NLRP14: variants seen among roughly 807,000 people sequenced by gnomAD.
NLRP14 encodes NACHT, LRR and PYD domains-containing protein 14.
Under a neutral mutation model 94.7 loss-of-function variants are expected in NLRP14, and 105 were observed. The ratio of observed to expected loss-of-function variants is 1.11; its 90% CI spans 0.95 to 1.30. The LOEUF is 1.30. Ranked by LOEUF, NLRP14 falls within the 50% of genes most tolerant of loss-of-function variation. NLRP14 has a pLI of 0.00. For synonymous variants in NLRP14, 508 were observed against 459.9 expected (o/e 1.10, Z -1.34); for missense variants, 1,362 against 1,254.1 (o/e 1.09, Z -1.30).
the NLRP14 span, among the ~76,000 whole-genome samples, chr11:7,082,689 T>G: frequency 6.6e-6 from 1 of 152,238 alleles, no homozygotes; most frequent in Non-Finnish European, 1.5e-5. Context: ...TCTCTCCATT[T>G]ATACAAATTT....
At chr11:7,046,042 G>T (rs1457582042) in intron 4 of NLRP14, among the ~76,000 whole-genome samples, 1 of 151,920 alleles carries the variant, frequency 6.6e-6, no homozygotes, top group Non-Finnish European at 1.5e-5. Flanking sequence ...CCCTTTATTT[G>T]TTCATGAGTT....
intron 5 of NLRP14, among the ~76,000 whole-genome samples, chr11:7,047,147 C>T (rs990839636): frequency 2.0e-5 from 3 of 152,022 alleles, no homozygotes; most frequent in Non-Finnish European, 2.9e-5. Context: ...CTGGAACTTA[C>T]TATCCTCTTA....
chr11:7,040,938 A>G (rs957065256), intron 3 of NLRP14, among the ~76,000 whole-genome samples: 2 of 152,198 alleles, frequency 1.3e-5, no homozygotes, highest in Non-Finnish European at 2.9e-5. Context: ...TTATGTGCAG[A>G]TAATTGCACA....
the NLRP14 span, among the ~76,000 whole-genome samples, chr11:7,084,668 C>A: frequency 2.6e-5 from 4 of 152,182 alleles, no homozygotes; most frequent in African/African-American, 9.7e-5. Context: ...CAGACCTTGA[C>A]CTATGTATAT....
chr11:7,045,398 T>C (rs1377995637), intron 4 of NLRP14, among the ~76,000 whole-genome samples: 2 of 152,204 alleles, frequency 1.3e-5, no homozygotes, highest in African/African-American at 2.4e-5. Context: ...AGTTATCTAG[T>C]ACTAGAGTTG....
Position 7,043,497 on chromosome 11 carries a change from T to C in NLRP14, c.1471T>C (p.Phe491Leu). 1 of 1,614,148 alleles carries C rather than the reference T, an allele frequency of 6.2e-7. No homozygotes were observed. Among genetic ancestry groups the C allele is most frequent in the Non-Finnish European group, 8.5e-7 (1 of 1,180,014 alleles). ...TGTTCAGGAGTTTTTTGCAGCTATGTTCTATATGTTGAAAGGCAGTTGGGA... is the reference window on the plus strand; with the variant it reads ...TGTTCAGGAGTTTTTTGCAGCTATGCTCTATATGTTGAAAGGCAGTTGGGA... ...LHVQEFFAAM[F>L]YMLKGSWEAG... is the part of the protein sequence containing the mutation. The change falls in exon 4 of 12, where the codon TTC (phenylalanine) becomes CTC (leucine). Residue 491 changes from phenylalanine to leucine, a missense_variant. Transcript: ENST00000299481.
chr11:7,090,540 T>C, the NLRP14 span: 4 of 570,758 alleles, frequency 7.0e-6, no homozygotes, highest in Non-Finnish European at 1.3e-5. Flanking sequence ...TATATGAACC[T>C]GAGTACTAGT....
chr11:7,089,518 A>G, the NLRP14 span: 48 of 1,223,502 alleles, frequency 3.9e-5, no homozygotes, highest in Non-Finnish European at 4.3e-5. Flanking sequence ...GACGGCGGCT[A>G]CACGGCGGAT....
At chr11:7,021,561 C>G (rs1426334916) in intron 1 of NLRP14, among the ~76,000 whole-genome samples, 1 of 152,162 alleles carries the variant, frequency 6.6e-6, no homozygotes, top group East Asian at 1.9e-4. Flanking sequence ...TTGTTATCCA[C>G]TAGGTGGTGG....
chr11:7,020,504 G>T lies in NLRP14; in HGVS notation c.-288G>T, dbSNP rs981098631. The stretch of plus-strand genomic sequence containing the variant: ...ATTCCTGCGCGGGCGGGAGCTGCGG[G>T]CGCTCGGGGGATAAGGCGAGGACGC... On this transcript the variant is annotated 5_prime_UTR_variant, in exon 1 of 12. Transcript: ENST00000299481. 3.9e-5 allele frequency: 6 copies of T among 152,356 alleles called. No individual in the cohort carries two copies. Among genetic ancestry groups the T allele is most frequent in the Non-Finnish European group, 5.9e-5 (4 of 68,142 alleles). The allele number at this position is 152,356 out of a possible 1,614,324, so 9.4% of individuals were successfully genotyped here.
intron 6 of NLRP14, among the ~76,000 whole-genome samples, chr11:7,056,756 T>C (rs1045761037): frequency 8.6e-5 from 13 of 151,998 alleles, no homozygotes; most frequent in Non-Finnish European, 1.6e-4. Flanking sequence ...ATGTGGTACA[T>C]ATACATTTGT....
the NLRP14 span, chr11:7,089,085 T>A: frequency 6.2e-7 from 1 of 1,600,324 alleles, no homozygotes; most frequent in Non-Finnish European, 8.5e-7. Flanking sequence ...CCTCACCGCC[T>A]CCCACCGCCA....
intron 1 of NLRP14, among the ~76,000 whole-genome samples, chr11:7,026,973 A>T (rs1011792613): frequency 7.9e-5 from 12 of 151,848 alleles, no homozygotes; most frequent in Non-Finnish European, 1.3e-4. Flanking sequence ...ATAATAATAA[A>T]AAAGAAAAGA....
chr11:7,072,063 G>A (rs1852809110), downstream of NLRP14, among the ~76,000 whole-genome samples: 1 of 152,218 alleles, frequency 6.6e-6, no homozygotes, highest in Non-Finnish European at 1.5e-5. Flanking sequence ...GTGAAAGACT[G>A]TTCTGGTTAT....
downstream of NLRP14, among the ~76,000 whole-genome samples, chr11:7,074,859 T>C (rs1038077495): frequency 1.3e-5 from 2 of 152,224 alleles, no homozygotes; most frequent in Admixed American, 6.5e-5. Context: ...TTAATGATTA[T>C]ATAGTTTTCA....
chr11:7,058,723 G>A (rs537149828), intron 8 of NLRP14, among the ~76,000 whole-genome samples: 33 of 152,022 alleles, frequency 2.2e-4, no homozygotes, highest in African/African-American at 7.7e-4. Context: ...AGGAATGTGA[G>A]CCTTAGGGAG....
intron 6 of NLRP14, among the ~76,000 whole-genome samples, chr11:7,053,207 T>A (rs1323286285): frequency 6.6e-6 from 1 of 152,086 alleles, no homozygotes; most frequent in African/African-American, 2.4e-5. Context: ...TTAGATAAAT[T>A]ATAAACTAAT....
chr11:7,068,884 C>T (rs1380561083), intron 10 of NLRP14, among the ~76,000 whole-genome samples: 1 of 152,054 alleles, frequency 6.6e-6, no homozygotes, highest in South Asian at 2.1e-4. Flanking sequence ...GAATTCCTGG[C>T]CTCAAGCTAC....
chr11:7,058,176 G>T (rs1852547567), intron 7 of NLRP14, 104 bp from the exon 8 acceptor site: 2 of 918,160 alleles, frequency 2.2e-6, no homozygotes, highest in South Asian at 2.6e-5. Context: ...TAATTTTATA[G>T]TTGAGGTATG....
Sources: allele counts gnomAD v4.1 joint callset (sites outside exome capture counted in the v4.1 genomes callset), GRCh38; gene constraint gnomAD v4.1.1; transcripts MANE v1.5; gene names NCBI Gene and HGNC (gene_info 2026-07-23, HGNC 2026-07-21).